MAPRE1: variants seen among roughly 807,000 people sequenced by gnomAD.
The protein encoded by MAPRE1 is microtubule-associated protein RP/EB family member 1.
A neutral mutation model predicts 32.1 loss-of-function variants in MAPRE1; 5 were observed. The observed-to-expected ratio is 0.16, with a 90% confidence interval of 0.08 to 0.33. The LOEUF is 0.33. Ranked by LOEUF, MAPRE1 falls within the 10% of genes least tolerant of loss-of-function variation. MAPRE1 has a pLI of 1.00. For missense variants in MAPRE1, 209 were observed against 327.2 expected (o/e 0.64, Z 2.79); for synonymous variants, 122 against 118.9 (o/e 1.03, Z -0.17).
intron 5 of MAPRE1, among the ~76,000 whole-genome samples, chr20:32,841,099 C>G (rs1372322333): frequency 6.6e-6 from 1 of 152,244 alleles, no homozygotes; most frequent in Non-Finnish European, 1.5e-5. Context: ...CAGGCATGAA[C>G]CACTGCGCCT....
chr20:32,842,188 C>G (rs1983383820), intron 5 of MAPRE1, among the ~76,000 whole-genome samples: 1 of 152,144 alleles, frequency 6.6e-6, no homozygotes, highest in African/African-American at 2.4e-5. Context: ...TGGGTTCACG[C>G]CATTCTCCTG....
In MAPRE1 at chr20:32,839,767, G is replaced by T; in HGVS notation, c.508G>T (p.Ala170Ser). The T allele has an allele frequency of 6.2e-7, 1 of 1,614,144 alleles. No individual in the cohort carries two copies. The highest frequency in any genetic ancestry group is 8.5e-7 in the Non-Finnish European group (1 of 1,180,004). ...GAGGCCCATCTCAACACAGAGAACC[G>T]CTGCGGCTCCTAAGGCTGGCCCTGG... is the stretch of plus-strand genomic sequence containing the variant. Reference protein sequence around the residue: ...PQRPISTQRTAAAPKAGPGVV... With the variant: ...PQRPISTQRTSAAPKAGPGVV... Residue 170 changes from alanine (A) to serine (S), a missense_variant, in exon 5 of 7, where the codon GCT becomes TCT. Ala to Ser is a moderately conservative substitution (Grantham distance 99). Transcript: ENST00000375571.
At chr20:32,824,226 C>T (rs1424678847) in intron 1 of MAPRE1, among the ~76,000 whole-genome samples, 1 of 152,266 alleles carries the variant, frequency 6.6e-6, no homozygotes, top group Admixed American at 6.5e-5. Flanking sequence ...AGAACAGTGC[C>T]TAGCACGCGG....
intron 6 of MAPRE1, 150 bp downstream of exon 6, chr20:32,846,920 G>T: frequency 1.3e-6 from 1 of 794,840 alleles, no homozygotes; most frequent in Non-Finnish European, 2.0e-6. Context: ...TCTCTGCCCA[G>T]CTTTAGCTTC....
intron 2 of MAPRE1, among the ~76,000 whole-genome samples, chr20:32,826,619 C>T (rs551548397): frequency 2.0e-5 from 3 of 149,612 alleles, no homozygotes; most frequent in South Asian, 2.1e-4. Flanking sequence ...CTTCGCCTCC[C>T]GGGTTCAAGC....
At chr20:32,835,614 C>CT (rs968459236) in intron 3 of MAPRE1, among the ~76,000 whole-genome samples, 31 of 150,454 alleles carry the variant, frequency 2.1e-4, no homozygotes, top group Non-Finnish European at 3.9e-4. Context: ...TCTTTTCTTT[C>CT]TTTTTTTTTG....
chr20:32,839,587 T>G, intron 4 of MAPRE1, 148 bp from the exon 5 acceptor site: 1 of 1,071,068 alleles, frequency 9.3e-7, no homozygotes, highest in South Asian at 1.6e-5. Flanking sequence ...GAGCGTTGTC[T>G]TGCATGCGGG....
intron 6 of MAPRE1, among the ~76,000 whole-genome samples, chr20:32,847,989 A>G (rs1404201472): frequency 6.6e-6 from 1 of 152,144 alleles, no homozygotes; most frequent in African/African-American, 2.4e-5. Context: ...CAGTTTATTG[A>G]GAGAAGATGT....
At chr20:32,824,958 C>T (rs2146121040) in intron 1 of MAPRE1, among the ~76,000 whole-genome samples, 1 of 151,806 alleles carries the variant, frequency 6.6e-6, no homozygotes, top group African/African-American at 2.4e-5. Flanking sequence ...TCTAGACCAG[C>T]CTGGCTAACA....
intron 2 of MAPRE1, among the ~76,000 whole-genome samples, chr20:32,830,590 C>A (rs1294677209): frequency 3.9e-5 from 6 of 152,190 alleles, no homozygotes; most frequent in African/African-American, 1.4e-4. Flanking sequence ...TTGCTCACTG[C>A]TGCTGCAGTG....
At chr20:32,824,433 G>A (rs990495103) in intron 1 of MAPRE1, among the ~76,000 whole-genome samples, 14 of 152,236 alleles carry the variant, frequency 9.2e-5, no homozygotes, top group Admixed American at 9.2e-4. Flanking sequence ...GCCAACCCCA[G>A]GGCCTCTCTT....
chr20:32,820,179 A>G (rs1176178396), intron 1 of MAPRE1, among the ~76,000 whole-genome samples, 151 bp downstream of exon 1: 5 of 124,204 alleles, frequency 4.0e-5, no homozygotes, highest in African/African-American at 1.6e-4. Context: ...CGGGGCCGTC[A>G]CCCGGCGCGC....
intron 1 of MAPRE1, 80 bp from the exon 2 acceptor site, chr20:32,825,845 G>A: frequency 8.5e-7 from 1 of 1,182,530 alleles, no homozygotes; most frequent in Non-Finnish European, 1.2e-6. Context: ...GTTTGCTTTT[G>A]GTGACTCTCT....
At chr20:32,843,852 T>G (rs1983429240) in intron 5 of MAPRE1, among the ~76,000 whole-genome samples, 2 of 151,928 alleles carry the variant, frequency 1.3e-5, no homozygotes, top group South Asian at 4.2e-4. Flanking sequence ...GCTACAGGTT[T>G]TTTTTTTTTT....
chr20:32,839,464 C>T (rs180832843), intron 4 of MAPRE1, among the ~76,000 whole-genome samples: 62 of 152,300 alleles, frequency 4.1e-4, no homozygotes, highest in Admixed American at 3.2e-3. Flanking sequence ...TCCTGTTCAC[C>T]GCAGTGGAGA....
At chr20:32,828,742 A>G (rs1982937100) in intron 2 of MAPRE1, among the ~76,000 whole-genome samples, 1 of 152,194 alleles carries the variant, frequency 6.6e-6, no homozygotes, top group South Asian at 2.1e-4. Flanking sequence ...CCTGGGGCAC[A>G]GCTTATGTAT....
chr20:32,825,089 T>A (rs1242578715), intron 1 of MAPRE1, among the ~76,000 whole-genome samples: 2 of 148,894 alleles, frequency 1.3e-5, no homozygotes, highest in Non-Finnish European at 3.0e-5. Flanking sequence ...GAGGCGGAGG[T>A]TGCAGTGAGT....
chr20:32,846,012 C>T (rs974540520), intron 5 of MAPRE1, among the ~76,000 whole-genome samples: 17 of 152,304 alleles, frequency 1.1e-4, no homozygotes, highest in African/African-American at 4.1e-4. Flanking sequence ...ATACAGTACA[C>T]TGGAATGAAG....
chr20:32,842,779 T>A (rs1190743560), intron 5 of MAPRE1, among the ~76,000 whole-genome samples: 1 of 152,192 alleles, frequency 6.6e-6, no homozygotes, highest in African/African-American at 2.4e-5. Context: ...GGTGCCTGCC[T>A]GTGTTCAAGT....
Sources: gnomAD v4.1 joint callset for allele counts (sites outside exome capture counted in the v4.1 genomes callset) on GRCh38, gnomAD v4.1.1 for gene constraint, MANE v1.5 for transcripts, NCBI Gene and HGNC (gene_info 2026-07-23, HGNC 2026-07-21) for gene names.